Variants in MAP2K6 observed in about 807,000 individuals in gnomAD.
MAP2K6 encodes mitogen-activated protein kinase kinase 6, also known as dual specificity mitogen-activated protein kinase kinase 6.
In MAP2K6, 16 loss-of-function variants were observed where a neutral mutation model predicts 53.7. That is an observed-to-expected ratio of 0.30 (90% CI 0.20 to 0.45). The LOEUF (loss-of-function observed/expected upper bound fraction) is 0.45, where lower values mean the gene tolerates loss of function less well. MAP2K6 is among the 20% of genes least tolerant of loss of function. MAP2K6 has a pLI of 1.00. For synonymous variants in MAP2K6, 132 were observed against 143.1 expected, an observed-to-expected ratio of 0.92 and a Z score of 0.55; for missense variants, 204 against 411.9, an observed-to-expected ratio of 0.50 and a Z score of 4.37.
At chr17:69,492,492 T>C (rs1414998549) in intron 1 of MAP2K6, among the ~76,000 whole-genome samples, 1 of 152,170 alleles carries the variant, frequency 6.6e-6, no homozygotes, top group African/African-American at 2.4e-5. Context: ...GGCTCTGTAT[T>C]CTGTCCCGTT....
chr17:69,505,739 T>C (rs945570171), intron 1 of MAP2K6, 41 bp from the exon 2 acceptor site: 13 of 1,514,820 alleles, frequency 8.6e-6, no homozygotes, highest in Admixed American at 3.3e-5. Context: ...TATCTTGCTA[T>C]GATTTAGTCC....
chr17:69,431,574 G>C (rs1259465478), intron 1 of MAP2K6, among the ~76,000 whole-genome samples: 1 of 152,144 alleles, frequency 6.6e-6, no homozygotes, highest in Non-Finnish European at 1.5e-5. Flanking sequence ...AAGAGTCTGC[G>C]TTAAGGAGAA....
chr17:69,462,691 A>G (rs1031576764), intron 1 of MAP2K6, among the ~76,000 whole-genome samples: 1 of 152,180 alleles, frequency 6.6e-6, no homozygotes, highest in Non-Finnish European at 1.5e-5. Flanking sequence ...TCCGGGCGTC[A>G]GCTAGATGTT....
chr17:69,482,058 T>C (rs1908368857), intron 1 of MAP2K6, among the ~76,000 whole-genome samples: 1 of 152,126 alleles, frequency 6.6e-6, no homozygotes, highest in Admixed American at 6.5e-5. Context: ...TGACTTCAAT[T>C]AGCTGTATAA....
intron 1 of MAP2K6, among the ~76,000 whole-genome samples, chr17:69,468,431 T>A (rs1240059239): frequency 6.6e-6 from 1 of 152,200 alleles, no homozygotes; most frequent in Admixed American, 6.5e-5. Context: ...AGCCAACGAA[T>A]CACTGTTTCT....
intron 2 of MAP2K6, among the ~76,000 whole-genome samples, chr17:69,515,567 G>T (rs894188870): frequency 6.6e-6 from 1 of 152,232 alleles, no homozygotes; most frequent in Non-Finnish European, 1.5e-5. Context: ...CTCTTAAGTA[G>T]ATTGATACCA....
At chr17:69,451,860 G>C (rs140845906) in intron 1 of MAP2K6, among the ~76,000 whole-genome samples, 15 of 152,268 alleles carry the variant, frequency 9.9e-5, no homozygotes, top group African/African-American at 3.6e-4. Context: ...CTAGAGGAGA[G>C]AGTGCCTCAG....
intron 10 of MAP2K6, among the ~76,000 whole-genome samples, chr17:69,529,789 G>A (rs145253850): frequency 0.031 from 4,737 of 152,144 alleles, 201 homozygotes; most frequent in African/African-American, 0.095. Context: ...AGGATTACAG[G>A]CTTGAGCCAC....
In MAP2K6 at chr17:69,414,712, G is replaced by A. The variant is rs1905843368; in HGVS notation, c.-273G>A. On this transcript the variant is annotated 5_prime_UTR_variant, in exon 1 of 12. Transcript: ENST00000590474. ...TAAGATACTCAGTTCCAAGTTTGGA[G>A]CTTTTAGCTGCCAGCCCTGGCCCAT... 2 of 407,502 alleles carry A rather than the reference G, an allele frequency of 4.9e-6. No individual in the cohort carries two copies. Among genetic ancestry groups the A allele is most frequent in the Admixed American group, 4.2e-5 (1 of 24,060 alleles). 25.2% of individuals were successfully genotyped at this position (407,502 alleles called of 1,614,324 possible). A position where few individuals can be genotyped will look rare whatever the true frequency, so the allele number is the denominator to read the frequency against.
At chr17:69,518,635 T>C (rs1341842439) in intron 4 of MAP2K6, among the ~76,000 whole-genome samples, 1 of 152,238 alleles carries the variant, frequency 6.6e-6, no homozygotes, top group Non-Finnish European at 1.5e-5. Context: ...TTGGATCCTT[T>C]TGCTTTTAAA....
intron 1 of MAP2K6, among the ~76,000 whole-genome samples, chr17:69,425,247 T>C (rs867795696): frequency 5.3e-5 from 8 of 152,172 alleles, no homozygotes; most frequent in Admixed American, 2.6e-4. Flanking sequence ...TGGAATTGCC[T>C]GTTTTTGTGG....
At chr17:69,505,902 TG>T in intron 2 of MAP2K6, 56 bp downstream of exon 2, 5 of 1,501,370 alleles carry the variant, frequency 3.3e-6, no homozygotes, top group Non-Finnish European at 4.6e-6. Flanking sequence ...AGATTCCTCC[TG>T]GGGGTTTATT....
chr17:69,429,208 C>G (rs1273154272), intron 1 of MAP2K6, among the ~76,000 whole-genome samples: 1 of 149,140 alleles, frequency 6.7e-6, no homozygotes, highest in African/African-American at 2.5e-5. Context: ...GAGGCTGAGA[C>G]AGAAGGATCA....
chr17:69,476,627 C>G (rs1908160255), intron 1 of MAP2K6, among the ~76,000 whole-genome samples: 1 of 152,172 alleles, frequency 6.6e-6, no homozygotes, highest in African/African-American at 2.4e-5. Flanking sequence ...GTGGCACTTG[C>G]AGAGACCCTA....
At chr17:69,429,693 A>C (rs1243612378) in intron 1 of MAP2K6, among the ~76,000 whole-genome samples, 2 of 152,216 alleles carry the variant, frequency 1.3e-5, no homozygotes, top group African/African-American at 4.8e-5. Flanking sequence ...TTCAGTAAGA[A>C]AGGGCACTAA....
chr17:69,442,581 A>G (rs1285991065), intron 1 of MAP2K6, among the ~76,000 whole-genome samples: 1 of 152,134 alleles, frequency 6.6e-6, no homozygotes, highest in Non-Finnish European at 1.5e-5. Flanking sequence ...CTTTCTTTTC[A>G]TTCACAATAT....
rs1486840079 is a variant in MAP2K6 at position 69,542,431 on chromosome 17, C to A, written c.*678C>A. On this transcript the variant is annotated 3_prime_UTR_variant, in exon 12 of 12. Transcript: ENST00000590474. ...TCACCACATCTTTTAGGGGAAGTGA[C>A]AAGATGCTCTGGTCATACTCTTTTT... is the stretch of plus-strand genomic sequence containing the variant. 6.6e-6 allele frequency: 1 copy of A among 152,562 alleles called. No homozygotes were observed. The highest frequency in any genetic ancestry group is 2.4e-5 in the African/African-American group (1 of 41,430). 9.5% of individuals were successfully genotyped at this position (152,562 alleles called of 1,614,324 possible).
At chr17:69,526,414 G>A (rs1910772448) in intron 9 of MAP2K6, among the ~76,000 whole-genome samples, 156 bp from the exon 10 acceptor site, 1 of 152,154 alleles carries the variant, frequency 6.6e-6, no homozygotes, top group South Asian at 2.1e-4. Flanking sequence ...AATTGCTAGA[G>A]AACAAATTAT....
At chr17:69,537,241 G>T (rs368798777) in intron 11 of MAP2K6, among the ~76,000 whole-genome samples, 1 of 152,226 alleles carries the variant, frequency 6.6e-6, no homozygotes, top group Non-Finnish European at 1.5e-5. Flanking sequence ...CACATTTTTG[G>T]GGGGGAGAAA....
Sources: allele counts gnomAD v4.1 joint callset (sites outside exome capture counted in the v4.1 genomes callset), GRCh38; gene constraint gnomAD v4.1.1; transcripts MANE v1.5; gene names NCBI Gene and HGNC (gene_info 2026-07-23, HGNC 2026-07-21).